EIF4G3: variants seen among roughly 807,000 people sequenced by gnomAD.
EIF4G3 encodes the protein eIF-4-gamma 3.
Under a neutral mutation model 186.4 loss-of-function variants are expected in EIF4G3, and 34 were observed. That is an observed-to-expected ratio of 0.18 (90% CI 0.14 to 0.24). EIF4G3 has a LOEUF of 0.24. EIF4G3 is among the 10% of genes least tolerant of loss of function. EIF4G3 has a pLI of 1.00. For missense variants in EIF4G3, 1,536 were observed against 1,948.5 expected (o/e 0.79, Z 3.99); for synonymous variants, 673 against 679.5 (o/e 0.99, Z 0.15).
chr1:20,831,748 T>TCCCTCCC (rs2065287146), intron 30 of EIF4G3, among the ~76,000 whole-genome samples: 1 of 130,568 alleles, frequency 7.7e-6, no homozygotes, highest in Non-Finnish European at 1.6e-5. Flanking sequence ...CCCGATGCTA[T>TCCCTCCC]CCCTCCCCCC....
At chr1:21,145,403 T>A (rs183733842) in intron 2 of EIF4G3, among the ~76,000 whole-genome samples, 12 of 151,570 alleles carry the variant, frequency 7.9e-5, no homozygotes, top group African/African-American at 2.7e-4. Context: ...CGGACCAACA[T>A]ACCTCTTAAA....
Position 20,888,229 on chromosome 1 carries a change from A to C in EIF4G3, c.2254-1858T>G, listed in dbSNP as rs111479906. Among the ~76,000 whole-genome samples the C allele has an allele frequency of 6.2e-3, 940 of 152,330 alleles. 8 individuals carry two copies. Among genetic ancestry groups the C allele is most frequent in the African/African-American group, 0.022 (905 of 41,576 alleles). On this transcript the variant is annotated intron_variant, in intron 18 of 36. Coordinates refer to ENST00000602326, the MANE Select transcript of EIF4G3 (RefSeq NM_001391906.1). ...GACAAATATGTGTGAGTTTCAAATG[A>C]GCAACAGAGAGACGTGAGAAAGTAA...
intron 3 of EIF4G3, among the ~76,000 whole-genome samples, chr1:21,054,662 G>A (rs1053271766): frequency 6.6e-6 from 1 of 152,010 alleles, no homozygotes; most frequent in African/African-American, 2.4e-5. Flanking sequence ...TTATCATAAA[G>A]TTAAAAACTC....
chr1:20,976,130 G>GTT (rs550634251), intron 10 of EIF4G3, among the ~76,000 whole-genome samples: 1 of 143,914 alleles, frequency 6.9e-6, no homozygotes, highest in African/African-American at 2.5e-5. Context: ...ACACACAGAG[G>GTT]TTTTTTTTTT....
intron 13 of EIF4G3, among the ~76,000 whole-genome samples, chr1:20,947,758 C>T (rs965469006): frequency 6.6e-6 from 1 of 152,148 alleles, no homozygotes; most frequent in African/African-American, 2.4e-5. Flanking sequence ...TTTTTCTTTT[C>T]ATCAAGGTAA....
At chr1:20,845,503 G>A (rs956586913) in intron 29 of EIF4G3, among the ~76,000 whole-genome samples, 5 of 151,892 alleles carry the variant, frequency 3.3e-5, no homozygotes, top group Non-Finnish European at 5.9e-5. Context: ...TCTACTAAAA[G>A]TACAAAAAAT....
intron 3 of EIF4G3, among the ~76,000 whole-genome samples, chr1:21,086,990 T>A (rs1443059787): frequency 6.6e-6 from 1 of 151,274 alleles, no homozygotes; most frequent in Non-Finnish European, 1.5e-5. Context: ...TCTGGGAAAC[T>A]CTGAAATTAT....
intron 3 of EIF4G3, among the ~76,000 whole-genome samples, chr1:21,071,424 C>A (rs1214211361): frequency 6.6e-6 from 1 of 152,072 alleles, no homozygotes; most frequent in Non-Finnish European, 1.5e-5. Flanking sequence ...TCCAAAAAAC[C>A]AAAGAGAAAC....
chr1:21,115,013 T>C (rs183617275), intron 2 of EIF4G3, among the ~76,000 whole-genome samples: 2 of 152,310 alleles, frequency 1.3e-5, no homozygotes, highest in East Asian at 3.9e-4. Context: ...AAAAAACCTT[T>C]TTTTAATTTA....
chr1:21,052,557 T>TCTC (rs1210095052), intron 3 of EIF4G3, among the ~76,000 whole-genome samples: 3 of 151,366 alleles, frequency 2.0e-5, no homozygotes, highest in Admixed American at 6.6e-5. Flanking sequence ...TCCCTCTCCC[T>TCTC]CCTCTCCCTC....
At chr1:21,040,354 G>A (rs1395836037) in intron 4 of EIF4G3, among the ~76,000 whole-genome samples, 1 of 152,178 alleles carries the variant, frequency 6.6e-6, no homozygotes, top group African/African-American at 2.4e-5. Flanking sequence ...GAAGCTCTGT[G>A]CCCCTTCCCC....
chr1:20,884,845 C>G (rs2083583478), intron 19 of EIF4G3, among the ~76,000 whole-genome samples: 1 of 152,156 alleles, frequency 6.6e-6, no homozygotes, highest in Non-Finnish European at 1.5e-5. Flanking sequence ...TTTACTCTCT[C>G]TAACAGTGGT....
intron 29 of EIF4G3, among the ~76,000 whole-genome samples, chr1:20,845,969 C>G (rs765127767): frequency 7.2e-5 from 11 of 152,166 alleles, no homozygotes; most frequent in Non-Finnish European, 1.6e-4. Context: ...TGTGTCATCT[C>G]TGATTTCTTT....
At chr1:21,021,403 A>G (rs2090641582) in intron 4 of EIF4G3, among the ~76,000 whole-genome samples, 1 of 152,206 alleles carries the variant, frequency 6.6e-6, no homozygotes. Flanking sequence ...AAAAGAATAA[A>G]CCATAACAAC....
intron 11 of EIF4G3, among the ~76,000 whole-genome samples, chr1:20,971,283 G>A (rs1391781817): frequency 2.0e-5 from 3 of 152,186 alleles, no homozygotes; most frequent in South Asian, 2.1e-4. Context: ...GGATCTGGAC[G>A]CTTTTAGGGG....
chr1:20,813,300 AT>A, intron 34 of EIF4G3, 61 bp from the exon 35 acceptor site: 1 of 1,237,626 alleles, frequency 8.1e-7, no homozygotes, highest in Non-Finnish European at 1.2e-6. Flanking sequence ...ACAGAGGCTC[AT>A]GCCTGTAATC....
chr1:20,864,114 G>A (rs1435305488), intron 22 of EIF4G3, among the ~76,000 whole-genome samples: 1 of 152,160 alleles, frequency 6.6e-6, no homozygotes, highest in Non-Finnish European at 1.5e-5. Context: ...ATCAATTAGA[G>A]TATAAACTCT....
chr1:20,947,455 A>C (rs893558499), intron 13 of EIF4G3, among the ~76,000 whole-genome samples: 2 of 152,094 alleles, frequency 1.3e-5, no homozygotes, highest in African/African-American at 4.8e-5. Context: ...TAAAAAAAAA[A>C]AACTCTGAAA....
intron 7 of EIF4G3, among the ~76,000 whole-genome samples, chr1:20,991,158 C>T (rs1406291916): frequency 2.0e-5 from 3 of 151,974 alleles, no homozygotes; most frequent in East Asian, 1.9e-4. Context: ...CTATATTTCC[C>T]GGCATGTGGT....
Sources: gnomAD v4.1 joint callset for allele counts (sites outside exome capture counted in the v4.1 genomes callset) on GRCh38, gnomAD v4.1.1 for gene constraint, MANE v1.5 for transcripts, NCBI Gene and HGNC (gene_info 2026-07-23, HGNC 2026-07-21) for gene names.